Variants in TBCD observed in about 807,000 individuals in gnomAD.
TBCD encodes tubulin folding cofactor D.
In TBCD, 105 loss-of-function variants were observed where a neutral mutation model predicts 169.3. The ratio of observed to expected loss-of-function variants is 0.62; its 90% confidence interval spans 0.53 to 0.73. TBCD has a LOEUF of 0.73. TBCD is among the 30% of genes least tolerant of loss of function. TBCD has a pLI of 0.00. For synonymous variants in TBCD, 700 were observed against 643.9 expected (o/e 1.09, Z -1.32); for missense variants, 1,444 against 1,600.1 (o/e 0.90, Z 1.66).
In TBCD at chr17:82,909,300, T is replaced by C. The variant is rs1197047968; in HGVS notation, c.1999T>C (p.Leu667=). 1 of 1,523,930 alleles carries C rather than the reference T, an allele frequency of 6.6e-7. No individual in the cohort carries two copies. Among genetic ancestry groups the C allele is most frequent in the Admixed American group, 2.0e-5 (1 of 51,146 alleles). 94.4% of individuals were successfully genotyped at this position (1,523,930 alleles called of 1,614,324 possible). A position where few individuals can be genotyped will look rare whatever the true frequency, so the allele number is the denominator to read the frequency against. ...QIHQQLYDRQ[L]YRGLGGQLMR... ...TTATTTTCAGCTCTATGATCGTCAG[T>C]TATACAGGTGAGCTTTACAAAACCA... The change falls in exon 22 of 39, where the codon TTA becomes CTA. Residue 667 remains leucine, a synonymous_variant. Transcript: ENST00000355528.
Position 82,768,270 on chromosome 17 carries a change from G to A in TBCD, c.436-150G>A, listed in dbSNP as rs996031702. ...GGGATGTGGCGAGGAGTTGGTGAAC[G>A]GCTTGCATTTCTGGCCCTGAGGGTG... On this transcript the variant is annotated intron_variant, in intron 4 of 38. Transcript: ENST00000355528. 1.1e-5 allele frequency: 10 copies of A among 913,090 alleles called. No homozygotes were observed. In the African/African-American group the frequency reaches 1.3e-4, roughly 12 times the overall value. 56.6% of individuals were successfully genotyped at this position (913,090 alleles called of 1,614,324 possible). A position where few individuals can be genotyped will look rare whatever the true frequency, so the allele number is the denominator to read the frequency against.
chr17:82,889,516 C>T lies in TBCD; in HGVS notation c.1534-152C>T, dbSNP rs1235988799. Among the ~76,000 whole-genome samples, 1 of 152,170 alleles carries T rather than the reference C, an allele frequency of 6.6e-6. No individual in the cohort carries two copies. On this transcript the variant is annotated intron_variant, in intron 15 of 38. Coordinates refer to ENST00000355528, the MANE Select transcript of TBCD (RefSeq NM_005993.5). The surrounding 1 kb of genome is among the most constrained non-coding windows in gnomAD (Gnocchi z 5.3). Reference sequence around the variant, plus strand: ...ACCAGGACGTAAAAACAGAGTGACGCACCTTGAGGCTCTGTTCAGCCAACA... The same window carrying T: ...ACCAGGACGTAAAAACAGAGTGACGTACCTTGAGGCTCTGTTCAGCCAACA...
At position 82,752,084 on chromosome 17, in the gene TBCD, T is replaced by G. The variant is rs1022054628; in HGVS notation, c.-110T>G. On this transcript the variant is annotated 5_prime_UTR_variant, in exon 1 of 39. Transcript: ENST00000355528. ...GGCGGGGCCAGCGTCGGTTGCCGCC[T>G]TAGCGGGCGCCTCCTTTTCATCCCT... The G allele has an allele frequency of 8.4e-5, 104 of 1,235,194 alleles. No individual in the cohort carries two copies. The highest frequency in any genetic ancestry group is 1.1e-4 in the Non-Finnish European group (103 of 947,276). The allele number at this position is 1,235,194 out of a possible 1,614,324, so 76.5% of individuals were successfully genotyped here. A position where few individuals can be genotyped will look rare whatever the true frequency, so the allele number is the denominator to read the frequency against.
chr17:82,800,770 C>T, intron 8 of TBCD, 94 bp from the exon 9 acceptor site: 1 of 1,479,636 alleles, frequency 6.8e-7, no homozygotes, highest in Admixed American at 2.1e-5. Context: ...CCTCAAGGCC[C>T]CTGTGGAGCC....
At chr17:82,902,011 G>A (rs927930630) in intron 18 of TBCD, among the ~76,000 whole-genome samples, 5 of 152,194 alleles carry the variant, frequency 3.3e-5, no homozygotes, top group African/African-American at 7.2e-5. Context: ...ACATATGCCC[G>A]TGGCGTCGGA....
At chr17:82,810,925 A>G (rs1342024108) in intron 12 of TBCD, among the ~76,000 whole-genome samples, 1 of 152,106 alleles carries the variant, frequency 6.6e-6, no homozygotes, top group Non-Finnish European at 1.5e-5. Context: ...CTCAGTGACA[A>G]TTTCAGGAGC....
rs957063002 is a variant in TBCD, at chr17:82,782,488, C to T, written c.771+767C>T. 5.3e-5 allele frequency among the ~76,000 whole-genome samples: 8 copies of T among 152,126 alleles called. No individual in the cohort carries two copies. The highest frequency in any genetic ancestry group is 1.7e-4 in the African/African-American group (7 of 41,430). ...TGGAGCCTGTGGTCCCTCTGAGGAG[C>T]GGGGCACTTTGTTCTTGTTTAAAAA... On this transcript the variant is annotated intron_variant, in intron 7 of 38. Transcript: ENST00000355528. The surrounding 1 kb of genome is among the most constrained non-coding windows in gnomAD (Gnocchi z 5.1).
chr17:82,854,645 A>G lies in TBCD; in HGVS notation c.1319-15579A>G, dbSNP rs561117876. ...AAAAGGGGCAAGCATTCACGTTTGC[A>G]TGTCGCACAGAAAGTCAGACTGCTG... On this transcript the variant is annotated intron_variant, in intron 13 of 38. Coordinates refer to ENST00000355528, the MANE Select transcript of TBCD (RefSeq NM_005993.5). Among the ~76,000 whole-genome samples, 31 of 152,344 alleles carry G rather than the reference A, an allele frequency of 2.0e-4. No homozygotes were observed. In the South Asian group the frequency reaches 5.8e-3, roughly 29 times the overall value.
chr17:82,830,296 A>G (rs147314418), intron 13 of TBCD: 27 of 1,613,998 alleles, frequency 1.7e-5, no homozygotes, highest in Non-Finnish European at 1.9e-5. Context: ...TTGGCTCTCC[A>G]TGGAGCTCAG....
At chr17:82,914,552 C>T (rs918328621) in intron 23 of TBCD, among the ~76,000 whole-genome samples, 3 of 152,186 alleles carry the variant, frequency 2.0e-5, no homozygotes, top group African/African-American at 7.2e-5. Flanking sequence ...AGTGCAAACG[C>T]GGCACTCCTG....
chr17:82,864,306 G>C lies in TBCD; in HGVS notation c.1319-5918G>C, dbSNP rs1483313030. ...ACAGAAAGCTGCTGTGTGACCTGCG[G>C]GTGCCCAGCCTGTGGGGCTTCCTCA... On this transcript the variant is annotated intron_variant, in intron 13 of 38. Transcript: ENST00000355528. This position sits in a 1 kb window ranked among gnomAD's most constrained non-coding sequence, Gnocchi z 6.3. The C allele has an allele frequency of 6.6e-6, 1 of 152,272 alleles. No individual in the cohort carries two copies. Among genetic ancestry groups the C allele is most frequent in the African/African-American group, 2.4e-5 (1 of 41,462 alleles). The allele number at this position is 152,272 out of a possible 1,614,324, so 9.4% of individuals were successfully genotyped here.
intron 5 of TBCD, among the ~76,000 whole-genome samples, chr17:82,770,770 C>T (rs1337545317): frequency 6.6e-6 from 1 of 151,800 alleles, no homozygotes; most frequent in Non-Finnish European, 1.5e-5. Context: ...AATCCCAGCA[C>T]TTTGGGAGGC....
intron 15 of TBCD, chr17:82,885,961 A>T (rs9915595): frequency 6.6e-6 from 1 of 152,266 alleles, no homozygotes; most frequent in Admixed American, 6.5e-5. Context: ...TTCAGATAAC[A>T]ATGTCTCGGT....
At chr17:82,793,836 C>T (rs2049915465) in intron 7 of TBCD, among the ~76,000 whole-genome samples, 1 of 152,012 alleles carries the variant, frequency 6.6e-6, no homozygotes, top group African/African-American at 2.4e-5. Context: ...TGTGCTGAGC[C>T]TGCGGGGGCA....
In TBCD at chr17:82,889,133, C is replaced by G. The variant is rs1384769620; in HGVS notation, c.1534-535C>G. Among the ~76,000 whole-genome samples the G allele has an allele frequency of 6.6e-6, 1 of 152,186 alleles. No homozygotes were observed. The highest frequency in any genetic ancestry group is 2.1e-4 in the South Asian group (1 of 4,824). ...GTTTGGGGAGGACATGAGAGGCCTC[C>G]TGGAAGCACTTCATCCTGTTGAAGT... On this transcript the variant is annotated intron_variant, in intron 15 of 38. Transcript: ENST00000355528. The surrounding 1 kb of genome is among the most constrained non-coding windows in gnomAD (Gnocchi z 5.3).
chr17:82,908,885 A>G (rs1217875077), intron 21 of TBCD, among the ~76,000 whole-genome samples: 5 of 152,274 alleles, frequency 3.3e-5, no homozygotes, highest in African/African-American at 1.2e-4. Flanking sequence ...TTTTAGTTGT[A>G]GTGGCCATCA....
intron 2 of TBCD, among the ~76,000 whole-genome samples, chr17:82,761,737 A>G (rs1234946055): frequency 7.1e-6 from 1 of 140,556 alleles, no homozygotes; most frequent in Non-Finnish European, 1.5e-5. Context: ...TTTTTTTGAG[A>G]TGGAGTCTTG....
At chr17:82,872,246 A>G (rs935186674) in intron 14 of TBCD, among the ~76,000 whole-genome samples, 1 of 152,228 alleles carries the variant, frequency 6.6e-6, no homozygotes, top group Non-Finnish European at 1.5e-5. Context: ...GGAGGAGAAC[A>G]GCGCGGCTGG....
chr17:82,848,070 T>C (rs1313288397), intron 13 of TBCD, among the ~76,000 whole-genome samples: 1 of 152,038 alleles, frequency 6.6e-6, no homozygotes, highest in South Asian at 2.1e-4. Context: ...TGTGAGGAGA[T>C]GGGTGGGCGC....
Sources: allele counts gnomAD v4.1 joint callset (sites outside exome capture counted in the v4.1 genomes callset), GRCh38; gene constraint gnomAD v4.1.1; non-coding constraint Gnocchi (gnomAD v3.1); transcripts MANE v1.5; gene names NCBI Gene and HGNC (gene_info 2026-07-23, HGNC 2026-07-21).